Variants in MYT1L observed in about 807,000 individuals in gnomAD.
MYT1L encodes the protein myelin transcription factor 1 like, also known as myelin transcription factor 1-like protein.
MYT1L carries 12 observed loss-of-function variants against 126.7 expected under a neutral mutation model. The observed-to-expected ratio is 0.09, with a 90% CI of 0.06 to 0.15. MYT1L has a LOEUF of 0.15. MYT1L is among the 10% of genes least tolerant of loss of function. MYT1L has a pLI of 1.00. For synonymous variants in MYT1L, 541 were observed against 604.2 expected (o/e 0.90, Z 1.53); for missense variants, 979 against 1,585.2 (o/e 0.62, Z 6.49).
intron 12 of MYT1L, among the ~76,000 whole-genome samples, chr2:1,911,109 G>C (rs1049929136): frequency 6.6e-6 from 1 of 152,102 alleles, no homozygotes; most frequent in African/African-American, 2.4e-5. Context: ...CTGACGCTGC[G>C]GATGCTGCAT....
At chr2:2,014,196 G>GTTTTTTTT (rs542058607) in intron 4 of MYT1L, among the ~76,000 whole-genome samples, 1 of 137,122 alleles carries the variant, frequency 7.3e-6, no homozygotes, top group Non-Finnish European at 1.6e-5. Context: ...CAGGAATCCT[G>GTTTTTTTT]TTTTTTTTTT....
intron 4 of MYT1L, among the ~76,000 whole-genome samples, chr2:2,018,992 C>G (rs80282845): frequency 0.018 from 2,718 of 152,210 alleles, 54 homozygotes; most frequent in South Asian, 0.092. Context: ...GAAATATCTT[C>G]CCACCTTAGT....
chr2:2,149,248 A>G (rs2085358092), intron 3 of MYT1L, among the ~76,000 whole-genome samples: 1 of 152,194 alleles, frequency 6.6e-6, no homozygotes, highest in African/African-American at 2.4e-5. Context: ...GCAATAAGGG[A>G]CTTTAATGGA....
At chr2:1,825,270 C>T (rs1039378152) in intron 21 of MYT1L, 1 of 152,032 alleles carries the variant, frequency 6.6e-6, no homozygotes, top group African/African-American at 2.4e-5. Context: ...CCACCTGCCC[C>T]AAAGGTGCAC....
intron 18 of MYT1L, among the ~76,000 whole-genome samples, chr2:1,868,784 C>G (rs1222434520): frequency 1.3e-5 from 2 of 152,324 alleles, no homozygotes; most frequent in South Asian, 2.1e-4. Context: ...CTCCTCCCTG[C>G]GGTGCAGGCT....
chr2:2,081,285 G>A (rs1299076855), intron 3 of MYT1L, among the ~76,000 whole-genome samples: 1 of 152,182 alleles, frequency 6.6e-6, no homozygotes, highest in African/African-American at 2.4e-5. Context: ...TCTCCTGTTA[G>A]TTGCATCTTC....
At chr2:2,199,214 A>G (rs2092952894) in intron 2 of MYT1L, among the ~76,000 whole-genome samples, 2 of 152,232 alleles carry the variant, frequency 1.3e-5, no homozygotes, top group Admixed American at 1.3e-4. Context: ...CTTCTTCATA[A>G]AAAGTTCATC....
intron 5 of MYT1L, among the ~76,000 whole-genome samples, chr2:1,991,875 C>G (rs1223300078): frequency 6.6e-6 from 1 of 152,188 alleles, no homozygotes; most frequent in Non-Finnish European, 1.5e-5. Context: ...AAATTTCCAT[C>G]TCTCGGGTTC....
At chr2:2,064,642 A>G (rs796925986) in intron 3 of MYT1L, among the ~76,000 whole-genome samples, 10 of 152,356 alleles carry the variant, frequency 6.6e-5, no homozygotes, top group African/African-American at 2.4e-4. Context: ...TAGAAACAAT[A>G]TAAGTTATTG....
At position 2,013,656 on chromosome 2, in the gene MYT1L, G is replaced by T. The variant is rs541066573; in HGVS notation, c.-157-16309C>A. Among the ~76,000 whole-genome samples, 24 of 152,364 alleles carry T rather than the reference G, an allele frequency of 1.6e-4. No individual in the cohort carries two copies. In the South Asian group the frequency reaches 5.0e-3, roughly 32 times the overall value. ...AGATCATGTGCTGCTCTGCAGATCG[G>T]GGACATGCTGGAGGCATGCTGCCAC... is the stretch of plus-strand genomic sequence containing the variant. On this transcript the variant is annotated intron_variant, in intron 4 of 24. Coordinates refer to ENST00000647738, the MANE Select transcript of MYT1L (RefSeq NM_001303052.2).
At chr2:1,916,696 G>A (rs1277825331) in intron 11 of MYT1L, among the ~76,000 whole-genome samples, 1 of 152,072 alleles carries the variant, frequency 6.6e-6, no homozygotes, top group African/African-American at 2.4e-5. Flanking sequence ...TTGAAATGTC[G>A]AGACAACTAT....
At chr2:2,239,308 A>T (rs2094391675) in intron 2 of MYT1L, among the ~76,000 whole-genome samples, 1 of 152,244 alleles carries the variant, frequency 6.6e-6, no homozygotes, top group South Asian at 2.1e-4. Context: ...TCTCAATGAG[A>T]CCTAAAATTA....
At chr2:2,015,467 T>C (rs944336870) in intron 4 of MYT1L, among the ~76,000 whole-genome samples, 1 of 152,164 alleles carries the variant, frequency 6.6e-6, no homozygotes, top group Non-Finnish European at 1.5e-5. Context: ...CTCACCTCCA[T>C]GCCTGCACCT....
Position 1,854,435 on chromosome 2 carries a change from T to C in MYT1L, c.2712-2732A>G, listed in dbSNP as rs535601461. Among the ~76,000 whole-genome samples the C allele has an allele frequency of 8.7e-4, 132 of 152,336 alleles. 1 individual carries two copies. Among genetic ancestry groups the C allele is most frequent in the Middle Eastern group, 3.4e-3 (1 of 294 alleles). On this transcript the variant is annotated intron_variant, in intron 18 of 24. Coordinates refer to ENST00000647738, the MANE Select transcript of MYT1L (RefSeq NM_001303052.2). ...CTCAGGTGCAGACTGCAAGCTCAAA[T>C]GTATCTGTGTTATGAGATTAACGGA...
At chr2:2,308,455 A>G (rs1307456065) in intron 1 of MYT1L, among the ~76,000 whole-genome samples, 1 of 151,234 alleles carries the variant, frequency 6.6e-6, no homozygotes, top group Admixed American at 6.6e-5. Context: ...TATTCCACCT[A>G]TGCTTTAGTT....
chr2:2,202,759 C>T (rs2093139134), intron 2 of MYT1L, among the ~76,000 whole-genome samples: 1 of 151,970 alleles, frequency 6.6e-6, no homozygotes, highest in Non-Finnish European at 1.5e-5. Flanking sequence ...GGAATCCTCC[C>T]TAACTCATTT....
chr2:2,288,465 C>T (rs990114992), intron 1 of MYT1L, among the ~76,000 whole-genome samples: 8 of 152,146 alleles, frequency 5.3e-5, no homozygotes, highest in African/African-American at 9.7e-5. Flanking sequence ...AAGAGCAGGG[C>T]GTGCACCAGC....
chr2:2,323,404 C>T (rs2096203300), intron 1 of MYT1L, among the ~76,000 whole-genome samples: 1 of 152,078 alleles, frequency 6.6e-6, no homozygotes, highest in South Asian at 2.1e-4. Flanking sequence ...TAAAGAATAA[C>T]AATTTCTACT....
chr2:1,803,252 C>T (rs1474014082), intron 22 of MYT1L, among the ~76,000 whole-genome samples: 1 of 152,192 alleles, frequency 6.6e-6, no homozygotes, highest in African/African-American at 2.4e-5. Context: ...GAAGCATTCC[C>T]CACAAGCTTC....
Sources: allele counts gnomAD v4.1 joint callset (sites outside exome capture counted in the v4.1 genomes callset), GRCh38; gene constraint gnomAD v4.1.1; transcripts MANE v1.5; gene names NCBI Gene and HGNC (gene_info 2026-07-23, HGNC 2026-07-21).